FAM120C: variants seen among roughly 807,000 people sequenced by gnomAD.
FAM120C encodes the protein constitutive coactivator of PPAR-gamma-like protein 2.
FAM120C carries 14 observed loss-of-function variants against 71.2 expected under a neutral mutation model. That is an observed-to-expected ratio of 0.20 (90% CI 0.13 to 0.31). The LOEUF (loss-of-function observed/expected upper bound fraction) is 0.31. Ranked by LOEUF, FAM120C falls within the 10% of genes least tolerant of loss-of-function variation. The pLI, the probability that FAM120C is intolerant of heterozygous loss-of-function variation, is 1.00. For missense variants in FAM120C, 500 were observed against 879.0 expected, an observed-to-expected ratio of 0.57 and a Z score of 5.45; for synonymous variants, 354 against 353.2, an observed-to-expected ratio of 1.00 and a Z score of -0.03.
intron 1 of FAM120C, among the ~76,000 whole-genome samples, chrX:54,164,947 G>C (rs1402408831): frequency 9.0e-6 from 1 of 111,295 alleles, no homozygotes; most frequent in Non-Finnish European, 1.9e-5. Context: ...TTTAACAGTA[G>C]CCATCCTAAT....
chrX:54,167,022 C>T (rs1182554740), intron 1 of FAM120C, among the ~76,000 whole-genome samples: 1 of 111,474 alleles, frequency 9.0e-6, no homozygotes, highest in Admixed American at 9.5e-5. Flanking sequence ...TACTCTCATT[C>T]CTTGGAAGTA....
At chrX:54,096,256 C>T (rs782126130) in intron 10 of FAM120C, among the ~76,000 whole-genome samples, 7 of 107,814 alleles carry the variant, frequency 6.5e-5, no homozygotes, top group African/African-American at 2.4e-4. Context: ...ACTAAAAATA[C>T]AAAAATTAGC....
intron 1 of FAM120C, among the ~76,000 whole-genome samples, chrX:54,162,093 A>G (rs1557134502): frequency 1.8e-5 from 2 of 112,513 alleles, no homozygotes. Context: ...TGACCTAGCT[A>G]ATTGCAGCCG....
At chrX:54,134,743 C>G in intron 7 of FAM120C, 88 bp downstream of exon 7, 7 of 982,770 alleles carry the variant, frequency 7.1e-6, no homozygotes, top group Middle Eastern at 3.7e-4. Context: ...CAGGAATACA[C>G]TTTCCCACAC....
At chrX:54,157,437 T>C (rs1312181927) in intron 3 of FAM120C, among the ~76,000 whole-genome samples, 1 of 110,976 alleles carries the variant, frequency 9.0e-6, no homozygotes, top group African/African-American at 3.3e-5. Context: ...GTATTTTTAG[T>C]AGAGACGAGG....
chrX:54,147,838 G>C (rs782414778), intron 4 of FAM120C, among the ~76,000 whole-genome samples: 1 of 110,661 alleles, frequency 9.0e-6, no homozygotes, highest in African/African-American at 3.3e-5. Flanking sequence ...GGGATTACAG[G>C]CACGCGCCAC....
intron 4 of FAM120C, among the ~76,000 whole-genome samples, chrX:54,145,497 G>T (rs782324332): frequency 1.8e-5 from 2 of 111,917 alleles, no homozygotes; most frequent in African/African-American, 6.5e-5. Context: ...GTGGGTGAAG[G>T]ATATGAAAAG....
intron 10 of FAM120C, among the ~76,000 whole-genome samples, chrX:54,112,882 T>C (rs1202096058): frequency 9.5e-6 from 1 of 104,801 alleles, no homozygotes; most frequent in Non-Finnish European, 1.9e-5. Flanking sequence ...TAGCCAGGCA[T>C]GGGGGCACAT....
intron 3 of FAM120C, among the ~76,000 whole-genome samples, chrX:54,155,674 TAA>T (rs2067205969): frequency 5.7e-5 from 6 of 106,009 alleles, no homozygotes; most frequent in African/African-American, 1.4e-4. Context: ...AAAAAAAAAA[TAA>T]AGTTGTATTT....
Position 54,082,549 on chromosome X carries a change from C to G in FAM120C, c.2840-1089G>C, listed in dbSNP as rs1012354458. ...TCAGCCTCCTGAGTAGCTGGGACTA[C>G]AGGCACATGCCACCATGCCCAGCTA... On this transcript the variant is annotated intron_variant, in intron 13 of 15. Coordinates refer to ENST00000375180, the MANE Select transcript of FAM120C (RefSeq NM_017848.6). Among the ~76,000 whole-genome samples the G allele has an allele frequency of 2.7e-5, 3 of 109,151 alleles. No individual in the cohort carries two copies. The East Asian group carries it at 8.9e-4, about 32-fold the overall frequency. 94.8% of individuals were successfully genotyped at this position (109,151 alleles called of 115,157 possible). A position where few individuals can be genotyped will look rare whatever the true frequency, so the allele number is the denominator to read the frequency against.
chrX:54,095,908 G>A (rs1013757659), intron 10 of FAM120C, among the ~76,000 whole-genome samples: 9 of 110,520 alleles, frequency 8.1e-5, no homozygotes, highest in African/African-American at 2.6e-4. Flanking sequence ...TGCCTGCCTC[G>A]GCCTCCCAAA....
At chrX:54,161,257 T>C (rs1179907926) in intron 1 of FAM120C, among the ~76,000 whole-genome samples, 1 of 111,750 alleles carries the variant, frequency 8.9e-6, no homozygotes. Context: ...AGTGTGATAT[T>C]TTCTCTCTCT....
intron 1 of FAM120C, among the ~76,000 whole-genome samples, chrX:54,164,464 T>C (rs782805668): frequency 2.7e-5 from 3 of 112,006 alleles, no homozygotes; most frequent in Non-Finnish European, 5.6e-5. Context: ...TCTGTCTCTA[T>C]GAATTTGACT....
chrX:54,182,973 A>C lies in FAM120C; in HGVS notation c.226T>G (p.Ser76Ala), dbSNP rs1387985360. 1 of 1,160,168 alleles carries C rather than the reference A, an allele frequency of 8.6e-7. No individual in the cohort carries two copies. Among genetic ancestry groups the C allele is most frequent in the African/African-American group, 1.8e-5 (1 of 55,322 alleles). ...PLPPAALGAY[S>A]GGAGPTRHHH... is the part of the protein sequence containing the mutation. ...TGCCGAGTCGGCCCCGCGCCCCCGG[A>C]GTAGGCACCCAAGGCAGCGGGCGGA... The change falls in exon 1 of 16, where the codon TCC (serine) becomes GCC (alanine). Residue 76 changes from serine (S) to alanine (A), a missense_variant. Ser to Ala is a moderately conservative substitution (Grantham distance 99, BLOSUM62 1). Transcript: ENST00000375180.
At chrX:54,129,886 G>A (rs1348019217) in intron 9 of FAM120C, among the ~76,000 whole-genome samples, 3 of 110,140 alleles carry the variant, frequency 2.7e-5, no homozygotes, top group Non-Finnish European at 3.8e-5. Context: ...CAGGCGTGGC[G>A]GCGCGCGCCT....
chrX:54,140,165 G>A (rs958007947), intron 4 of FAM120C, among the ~76,000 whole-genome samples: 4 of 107,386 alleles, frequency 3.7e-5, no homozygotes, highest in Admixed American at 2.0e-4. Context: ...GTGTGGTGGC[G>A]TGCACCTATA....
intron 9 of FAM120C, among the ~76,000 whole-genome samples, chrX:54,129,484 T>C (rs1173646490): frequency 9.4e-6 from 1 of 106,187 alleles, no homozygotes; most frequent in East Asian, 3.1e-4. Context: ...GAGGCGCTCC[T>C]CACTTCCTAG....
chrX:54,182,423 G>A (rs782060002), intron 1 of FAM120C, 77 bp downstream of exon 1: 3 of 1,077,520 alleles, frequency 2.8e-6, no homozygotes, highest in Admixed American at 5.6e-5. Context: ...TAGTGGGTAA[G>A]TGGGTAGGTG....
chrX:54,074,490 C>T (rs782047412), intron 15 of FAM120C, among the ~76,000 whole-genome samples: 1 of 112,791 alleles, frequency 8.9e-6, no homozygotes, highest in East Asian at 2.8e-4. Context: ...ACGAACTCGG[C>T]TCACCGCAAC....
Sources: gnomAD v4.1 joint callset for allele counts (sites outside exome capture counted in the v4.1 genomes callset) on GRCh38, gnomAD v4.1.1 for gene constraint, MANE v1.5 for transcripts, NCBI Gene and HGNC (gene_info 2026-07-23, HGNC 2026-07-21) for gene names.